Variants in KHDRBS2 observed in about 807,000 individuals in gnomAD.
KHDRBS2 encodes the protein KH domain-containing, RNA-binding, signal transduction-associated protein 2.
A neutral mutation model predicts 44.3 loss-of-function variants in KHDRBS2; 26 were observed. That is an observed-to-expected ratio of 0.59 (90% CI 0.43 to 0.81). The LOEUF is 0.81. KHDRBS2 is among the 40% of genes least tolerant of loss of function. KHDRBS2 has a pLI of 0.00. For synonymous variants in KHDRBS2, 194 were observed against 151.1 expected (o/e 1.28, Z -2.08); for missense variants, 476 against 433.1 (o/e 1.10, Z -0.88).
At position 62,059,143 on chromosome 6, in the gene KHDRBS2, A is replaced by C. The variant is rs533380873; in HGVS notation, c.220-11149T>G. 2.7e-5 allele frequency among the ~76,000 whole-genome samples: 4 copies of C among 148,106 alleles called. No individual in the cohort carries two copies. In the East Asian group the frequency reaches 8.3e-4, roughly 31 times the overall value. On this transcript the variant is annotated intron_variant, in intron 2 of 8. Coordinates refer to ENST00000281156, the MANE Select transcript of KHDRBS2 (RefSeq NM_152688.4). ...AGTGCCATAGAAGCAGTACAGATTA[A>C]GTGCTATAGAATTCAAAGGAAGAAA...
chr6:61,970,446 G>A (rs2127398896), intron 4 of KHDRBS2, among the ~76,000 whole-genome samples: 1 of 152,124 alleles, frequency 6.6e-6, no homozygotes, highest in East Asian at 1.9e-4. Flanking sequence ...TAAGTATAAG[G>A]TGAACTACAG....
At chr6:61,917,108 G>C (rs1232722673) in intron 4 of KHDRBS2, among the ~76,000 whole-genome samples, 2 of 150,772 alleles carry the variant, frequency 1.3e-5, no homozygotes, top group Non-Finnish European at 3.0e-5. Context: ...ATCCAAACGA[G>C]TTGAAAACTT....
the KHDRBS2 span, among the ~76,000 whole-genome samples, chr6:61,662,631 C>A: frequency 1.3e-5 from 2 of 151,858 alleles, no homozygotes; most frequent in East Asian, 3.9e-4. Flanking sequence ...TTTATGCAGC[C>A]AAAAAACACA....
the KHDRBS2 span, among the ~76,000 whole-genome samples, chr6:61,583,598 T>A: frequency 1.3e-5 from 2 of 151,808 alleles, no homozygotes; most frequent in Admixed American, 6.6e-5. Context: ...TTGCCACACT[T>A]ACTTGACTAT....
the KHDRBS2 span, among the ~76,000 whole-genome samples, chr6:61,572,229 T>C: frequency 6.6e-6 from 1 of 152,072 alleles, no homozygotes; most frequent in Non-Finnish European, 1.5e-5. Flanking sequence ...AAGATGCAGA[T>C]AAATTCCTGG....
chr6:62,047,911 G>T lies in KHDRBS2; in HGVS notation c.303C>A (p.Ile101=). 1 of 1,610,844 alleles carries T rather than the reference G, an allele frequency of 6.2e-7. No homozygotes were observed. The part of the protein sequence containing the change: ...LQEETGAKMS[I]LGKGSMRDKA... ...TATCTCTCATTGATCCTTTGCCCAG[G>T]ATAGACATTTTAGCACCTGTTTCTT... Residue 101 remains isoleucine (I), a synonymous_variant, in exon 3 of 9, where the codon ATC becomes ATA. Coordinates refer to ENST00000281156, the MANE Select transcript of KHDRBS2 (RefSeq NM_152688.4).
intron 2 of KHDRBS2, among the ~76,000 whole-genome samples, chr6:62,155,317 C>A (rs1049764780): frequency 1.3e-5 from 2 of 152,240 alleles, no homozygotes; most frequent in African/African-American, 4.8e-5. Flanking sequence ...AAAATAAAAT[C>A]AATTGGGTTT....
At chr6:61,918,835 A>G (rs180956580) in intron 4 of KHDRBS2, among the ~76,000 whole-genome samples, 2 of 152,048 alleles carry the variant, frequency 1.3e-5, no homozygotes, top group Non-Finnish European at 2.9e-5. Flanking sequence ...TGCATGTAAA[A>G]TGTGTGCATT....
At chr6:61,801,776 A>T (rs1400540459) in intron 6 of KHDRBS2, among the ~76,000 whole-genome samples, 1 of 152,176 alleles carries the variant, frequency 6.6e-6, no homozygotes, top group Non-Finnish European at 1.5e-5. Flanking sequence ...TAATATTAAG[A>T]CAGCCCTCAA....
At chr6:62,238,748 T>A (rs528619628) in intron 1 of KHDRBS2, among the ~76,000 whole-genome samples, 19 of 150,792 alleles carry the variant, frequency 1.3e-4, no homozygotes, top group African/African-American at 4.1e-4. Flanking sequence ...AGACTCAAAC[T>A]AACAGTCCAC....
chr6:62,268,568 C>T (rs1839573961), intron 1 of KHDRBS2, among the ~76,000 whole-genome samples: 1 of 151,978 alleles, frequency 6.6e-6, no homozygotes, highest in Admixed American at 6.6e-5. Flanking sequence ...GGTGGAGATG[C>T]CAATTCTGTT....
chr6:62,127,690 C>T (rs543573687), intron 2 of KHDRBS2, among the ~76,000 whole-genome samples: 65 of 152,096 alleles, frequency 4.3e-4, no homozygotes, highest in Non-Finnish European at 8.5e-4. Context: ...CTCTCTGGAG[C>T]CACACAGAAC....
At chr6:61,800,832 G>A (rs1476851447) in intron 6 of KHDRBS2, among the ~76,000 whole-genome samples, 2 of 152,044 alleles carry the variant, frequency 1.3e-5, no homozygotes, top group African/African-American at 4.8e-5. Flanking sequence ...TCTTGTTCTT[G>A]TCAGTCTCTC....
rs532947226 is a variant in KHDRBS2 at position 61,717,018 on chromosome 6, T to G, written c.893+15664A>C. Among the ~76,000 whole-genome samples, 24 of 152,204 alleles carry G rather than the reference T, an allele frequency of 1.6e-4. 1 individual carries two copies. Among genetic ancestry groups the G allele is most frequent in the African/African-American group, 5.5e-4 (23 of 41,550 alleles). ...ACATGCCTTGATCTCAATAAAAGAT[T>G]AAGCAGGTTTCAGTTACTATCTAAA... On this transcript the variant is annotated intron_variant, in intron 7 of 8. Transcript: ENST00000281156.
the KHDRBS2 span, among the ~76,000 whole-genome samples, chr6:61,577,729 T>TC: frequency 1.3e-5 from 2 of 152,186 alleles, no homozygotes; most frequent in African/African-American, 4.8e-5. Context: ...GAACAGAGTA[T>TC]AGAAATAGTA....
rs1163838503 is a variant in KHDRBS2, at chr6:61,680,988, C to T, written c.1025G>A (p.Arg342Lys). 1 of 1,610,788 alleles carries T rather than the reference C, an allele frequency of 6.2e-7. No individual in the cohort carries two copies. Among genetic ancestry groups the T allele is most frequent in the Admixed American group, 1.7e-5 (1 of 59,738 alleles). Residue 342 changes from arginine to lysine, a missense_variant, in exon 9 of 9, where the codon AGG becomes AAG. Physicochemically the swap from Arg to Lys is conservative, Grantham distance 26. Coordinates refer to ENST00000281156, the MANE Select transcript of KHDRBS2 (RefSeq NM_152688.4). The stretch of plus-strand genomic sequence containing the variant: ...TCAATATCTACCATAGGGGTGTTCC[C>T]TGTATCCCCCTCTGGCTGACCTTTG... Reference protein sequence around the residue: ...PPQRSARGGYREHPYGRY With the variant: ...PPQRSARGGYKEHPYGRY
chr6:62,150,989 G>C (rs147762899), intron 2 of KHDRBS2, among the ~76,000 whole-genome samples: 39 of 152,092 alleles, frequency 2.6e-4, no homozygotes, highest in African/African-American at 8.9e-4. Flanking sequence ...TACTTTGTAA[G>C]ATTTCCCCCC....
intron 2 of KHDRBS2, among the ~76,000 whole-genome samples, chr6:62,085,204 C>A (rs1194335712): frequency 6.6e-6 from 1 of 151,948 alleles, no homozygotes; most frequent in Non-Finnish European, 1.5e-5. Flanking sequence ...TTATTTGAGA[C>A]ACAAAACATG....
At chr6:61,743,603 T>A (rs1383137935) in intron 6 of KHDRBS2, among the ~76,000 whole-genome samples, 1 of 152,094 alleles carries the variant, frequency 6.6e-6, no homozygotes, top group African/African-American at 2.4e-5. Flanking sequence ...TTTGTAAAAA[T>A]CAGTGTTTTA....
Sources: allele counts gnomAD v4.1 joint callset (sites outside exome capture counted in the v4.1 genomes callset), GRCh38; gene constraint gnomAD v4.1.1; transcripts MANE v1.5; gene names NCBI Gene and HGNC (gene_info 2026-07-23, HGNC 2026-07-21).